PRKG1: variants seen among roughly 807,000 people sequenced by gnomAD.
The protein encoded by PRKG1 is protein kinase cGMP-dependent 1, also known as cGMP-dependent protein kinase 1.
In PRKG1, 35 loss-of-function variants were observed where a neutral mutation model predicts 88.1. The ratio of observed to expected loss-of-function variants is 0.40; its 90% confidence interval spans 0.30 to 0.53. The LOEUF (loss-of-function observed/expected upper bound fraction) is 0.53, where lower values mean the gene tolerates loss of function less well. PRKG1 is among the 20% of genes least tolerant of loss of function. PRKG1 has a pLI of 0.59. For synonymous variants in PRKG1, 303 were observed against 292.5 expected (o/e 1.04, Z -0.37); for missense variants, 540 against 839.8 (o/e 0.64, Z 4.41).
At chr10:51,383,527 C>G (rs766074929) in intron 2 of PRKG1, among the ~76,000 whole-genome samples, 5 of 152,128 alleles carry the variant, frequency 3.3e-5, no homozygotes, top group Non-Finnish European at 4.4e-5. Context: ...CAGAGGCACA[C>G]GGAGTTTAAG....
chr10:52,076,931 T>C (rs904549363), intron 7 of PRKG1, among the ~76,000 whole-genome samples: 4 of 151,082 alleles, frequency 2.6e-5, no homozygotes, highest in Non-Finnish European at 5.9e-5. Context: ...GGATTGATCA[T>C]ATAAAGTATT....
chr10:52,244,542 A>T (rs1230362842), intron 9 of PRKG1, among the ~76,000 whole-genome samples: 1 of 151,308 alleles, frequency 6.6e-6, no homozygotes, highest in Non-Finnish European at 1.5e-5. Flanking sequence ...GCAATGAGGC[A>T]ACAGTCCCTG....
At chr10:51,269,542 G>T (rs1839923572) in intron 2 of PRKG1, among the ~76,000 whole-genome samples, 2 of 152,160 alleles carry the variant, frequency 1.3e-5, no homozygotes. Context: ...CCATAAAATG[G>T]AATGAAATAA....
At chr10:51,316,889 T>G (rs1227807140) in intron 2 of PRKG1, among the ~76,000 whole-genome samples, 1 of 152,084 alleles carries the variant, frequency 6.6e-6, no homozygotes, top group African/African-American at 2.4e-5. Context: ...GCTTGAGATA[T>G]TGTACAAAAA....
At chr10:51,754,307 G>T (rs781641744) in intron 3 of PRKG1, among the ~76,000 whole-genome samples, 2 of 152,050 alleles carry the variant, frequency 1.3e-5, no homozygotes, top group African/African-American at 4.8e-5. Context: ...TCACTTTTGC[G>T]CCTATTGATA....
At chr10:51,874,748 T>C (rs1046398890) in intron 4 of PRKG1, among the ~76,000 whole-genome samples, 2 of 152,118 alleles carry the variant, frequency 1.3e-5, no homozygotes, top group Admixed American at 1.3e-4. Flanking sequence ...TTTTTCTCCC[T>C]AGAAAATGTA....
At chr10:51,520,653 G>C (rs532996108) in intron 3 of PRKG1, among the ~76,000 whole-genome samples, 35 of 152,120 alleles carry the variant, frequency 2.3e-4, no homozygotes, top group South Asian at 4.1e-4. Flanking sequence ...AGGAAACCTG[G>C]TATCCAAAGA....
chr10:51,395,362 A>C lies in PRKG1; in HGVS notation c.479-72361A>C, dbSNP rs577299879. ...CTTAGATCAGGTTTCTGAAGGATGG[A>C]AAATCTAATTATTGTTTTATTAGTT... On this transcript the variant is annotated intron_variant, in intron 2 of 17. Transcript: ENST00000373980. 3.3e-5 allele frequency among the ~76,000 whole-genome samples: 5 copies of C among 152,334 alleles called. No homozygotes were observed. The South Asian group carries it at 1.0e-3, about 32-fold the overall frequency.
intron 2 of PRKG1, among the ~76,000 whole-genome samples, chr10:51,343,921 G>T (rs1331825630): frequency 6.6e-6 from 1 of 152,140 alleles, no homozygotes; most frequent in African/African-American, 2.4e-5. Flanking sequence ...CTGGTAGAGA[G>T]ATTTGTTTTT....
At chr10:51,698,072 C>T (rs779350917) in intron 3 of PRKG1, 1 of 1,614,108 alleles carries the variant, frequency 6.2e-7, no homozygotes, top group Non-Finnish European at 8.5e-7. Flanking sequence ...TGGGACCTGT[C>T]TGGGTCCCTG....
intron 5 of PRKG1, among the ~76,000 whole-genome samples, chr10:51,914,624 A>T (rs1024910769): frequency 6.6e-6 from 1 of 152,184 alleles, no homozygotes; most frequent in African/African-American, 2.4e-5. Flanking sequence ...TTCATGTCCA[A>T]TTTTCCCTTT....
chr10:51,135,248 A>T (rs374360248), intron 1 of PRKG1, among the ~76,000 whole-genome samples: 1 of 152,224 alleles, frequency 6.6e-6, no homozygotes, highest in South Asian at 2.1e-4. Flanking sequence ...AGCAGATAAT[A>T]TGCCAAGCAA....
intron 2 of PRKG1, among the ~76,000 whole-genome samples, chr10:51,401,656 A>T (rs1200404873): frequency 6.6e-6 from 1 of 152,040 alleles, no homozygotes; most frequent in East Asian, 1.9e-4. Context: ...CTTATCCTTC[A>T]TTTAAAGAAG....
chr10:51,257,573 G>A (rs2055981254), intron 2 of PRKG1, among the ~76,000 whole-genome samples: 1 of 152,178 alleles, frequency 6.6e-6, no homozygotes. Context: ...TACTTACAGG[G>A]TTAGGGATTT....
At chr10:51,194,687 A>G (rs547160069) in intron 2 of PRKG1, among the ~76,000 whole-genome samples, 1 of 152,230 alleles carries the variant, frequency 6.6e-6, no homozygotes, top group South Asian at 2.1e-4. Context: ...TTGTGATGCT[A>G]TAACAGAATA....
intron 1 of PRKG1, among the ~76,000 whole-genome samples, chr10:51,076,188 T>C (rs1237704365): frequency 6.6e-6 from 1 of 152,228 alleles, no homozygotes; most frequent in East Asian, 1.9e-4. Flanking sequence ...TTGATTCCCA[T>C]GGAACATTTG....
intron 7 of PRKG1, among the ~76,000 whole-genome samples, chr10:52,118,781 TAA>T (rs914585988): frequency 1.1e-4 from 17 of 152,222 alleles, no homozygotes; most frequent in African/African-American, 4.1e-4. Context: ...CACTAAATGA[TAA>T]AGTCACTAAA....
chr10:51,158,868 T>C (rs527238416), intron 2 of PRKG1, among the ~76,000 whole-genome samples: 54 of 152,222 alleles, frequency 3.5e-4, no homozygotes, highest in Non-Finnish European at 7.1e-4. Context: ...CAAATGACTC[T>C]TTTAATGGAG....
chr10:51,960,274 G>T (rs1247281314), intron 5 of PRKG1, among the ~76,000 whole-genome samples: 1 of 151,882 alleles, frequency 6.6e-6, no homozygotes, highest in Non-Finnish European at 1.5e-5. Flanking sequence ...AGGCACTTGA[G>T]TTTTCTACCC....
Sources: allele counts gnomAD v4.1 joint callset (sites outside exome capture counted in the v4.1 genomes callset), GRCh38; gene constraint gnomAD v4.1.1; transcripts MANE v1.5; gene names NCBI Gene and HGNC (gene_info 2026-07-23, HGNC 2026-07-21).